The following KLHL13 variants were observed in gnomAD, a reference collection of about 807,000 sequenced individuals.
KLHL13 encodes kelch-like protein 13.
In KLHL13, 10 loss-of-function variants were observed where a neutral mutation model predicts 37.1. The observed-to-expected ratio is 0.27, with a 90% confidence interval of 0.17 to 0.46. The LOEUF (loss-of-function observed/expected upper bound fraction) is 0.46, where lower values mean the gene tolerates loss of function less well. Among genes scored for constraint, KLHL13 ranks in the 20% least tolerant of loss-of-function variants. KLHL13 has a pLI of 1.00. For synonymous variants in KLHL13, 163 were observed against 181.2 expected, an observed-to-expected ratio of 0.90 and a Z score of 0.81; for missense variants, 360 against 509.3, an observed-to-expected ratio of 0.71 and a Z score of 2.82.
intron 1 of KLHL13, among the ~76,000 whole-genome samples, chrX:118,035,349 T>C (rs1371763997): frequency 9.3e-6 from 1 of 106,952 alleles, no homozygotes; most frequent in Non-Finnish European, 1.9e-5. Flanking sequence ...CTCAATAAAA[T>C]ACTGGCAAAC....
intron 2 of KLHL13, among the ~76,000 whole-genome samples, chrX:117,944,579 A>G (rs1933225735): frequency 9.0e-6 from 1 of 111,638 alleles, no homozygotes; most frequent in South Asian, 3.8e-4. Context: ...TTGATCAGGG[A>G]TATGCATGAA....
At chrX:117,959,569 A>G (rs1681200186) in intron 1 of KLHL13, among the ~76,000 whole-genome samples, 1 of 112,057 alleles carries the variant, frequency 8.9e-6, no homozygotes, top group Non-Finnish European at 1.9e-5. Context: ...AAGGAAATAT[A>G]AATTAAGACT....
intron 1 of KLHL13, among the ~76,000 whole-genome samples, chrX:118,106,166 G>C (rs570456221): frequency 5.6e-5 from 6 of 107,872 alleles, no homozygotes; most frequent in Middle Eastern, 9.5e-3. Flanking sequence ...CAAAGTGCTG[G>C]GATTACAGGC....
intron 1 of KLHL13, among the ~76,000 whole-genome samples, chrX:118,075,616 T>C (rs1259640644): frequency 9.0e-6 from 1 of 111,157 alleles, no homozygotes; most frequent in African/African-American, 3.3e-5. Context: ...GTGCAAGACC[T>C]GCCATTACTT....
intron 1 of KLHL13, among the ~76,000 whole-genome samples, chrX:118,099,643 G>A (rs752043751): frequency 2.7e-5 from 3 of 110,108 alleles, no homozygotes; most frequent in Non-Finnish European, 3.8e-5. Context: ...GCAACACCTC[G>A]TCTCTAATAA....
rs1005057536 is a variant in KLHL13, at chrX:117,945,445, C to T, written c.229G>A (p.Val77Met). 11 of 1,208,405 alleles carry T rather than the reference C, an allele frequency of 9.1e-6. No homozygotes were observed. In the African/African-American group the frequency reaches 1.1e-4, roughly 12 times the overall value. ...ACAGCTTAAATTACCTGTAACACCACAGAACTGTGGGTATTGCTGGTAAAG... is the reference window on the plus strand; with the variant it reads ...ACAGCTTAAATTACCTGTAACACCATAGAACTGTGGGTATTGCTGGTAAAG... The change falls in exon 2 of 7, where the codon GTG (valine) becomes ATG (methionine). Residue 77 changes from valine (V) to methionine (M), a missense_variant. Physicochemically the swap from Val to Met is conservative, Grantham distance 21. Coordinates refer to ENST00000262820, the Ensembl canonical transcript of KLHL13.
At chrX:117,908,085 ATT>A (rs1930673647) in intron 5 of KLHL13, among the ~76,000 whole-genome samples, 1 of 104,338 alleles carries the variant, frequency 9.6e-6, no homozygotes, top group African/African-American at 3.5e-5. Context: ...TTATTTATTT[ATT>A]TATTTATTTA....
chrX:118,109,349 G>A (rs1472865268), intron 1 of KLHL13, among the ~76,000 whole-genome samples: 1 of 111,612 alleles, frequency 9.0e-6, no homozygotes, highest in African/African-American at 3.3e-5. Flanking sequence ...AAAATGTTTG[G>A]GTGTTTGACT....
intron 1 of KLHL13, among the ~76,000 whole-genome samples, chrX:117,995,274 T>C (rs777133226): frequency 9.0e-6 from 1 of 111,672 alleles, no homozygotes; most frequent in African/African-American, 3.3e-5. Flanking sequence ...AAGAAGACAA[T>C]TGTAAAAATA....
At chrX:117,948,002 A>G (rs774608652) in intron 1 of KLHL13, 1 of 112,510 alleles carries the variant, frequency 8.9e-6, no homozygotes, top group Non-Finnish European at 1.9e-5. Flanking sequence ...AATACAATAT[A>G]CATACAAGTC....
intron 2 of KLHL13, among the ~76,000 whole-genome samples, chrX:117,942,025 T>C (rs1409215758): frequency 4.5e-5 from 5 of 112,077 alleles, no homozygotes; most frequent in African/African-American, 6.5e-5. Flanking sequence ...GATTCTGGTA[T>C]GTTGTGTCTT....
upstream of KLHL13, among the ~76,000 whole-genome samples, chrX:117,978,487 A>G (rs1470577965): frequency 9.0e-6 from 1 of 111,596 alleles, no homozygotes; most frequent in Non-Finnish European, 1.9e-5. Flanking sequence ...GGCTGGCTGT[A>G]AGGGGAAAGG....
chrX:118,115,283 C>G (rs1410666086), intron 1 of KLHL13, among the ~76,000 whole-genome samples: 2 of 112,692 alleles, frequency 1.8e-5, no homozygotes, highest in African/African-American at 6.4e-5. Context: ...CCACTTTGTG[C>G]TTCTCCATTC....
chrX:118,112,753 C>T lies in KLHL13; in HGVS notation c.-56+3755G>A, dbSNP rs1005457222. On this transcript the variant is annotated intron_variant, in intron 1 of 6. Transcript: ENST00000371882. ...GGAATGTCAATAATCATCTGCATTCCTATTTGGGACCAACTAGACCTCAAA... is the reference window on the plus strand; with the variant it reads ...GGAATGTCAATAATCATCTGCATTCTTATTTGGGACCAACTAGACCTCAAA... 2.7e-5 allele frequency among the ~76,000 whole-genome samples: 3 copies of T among 111,739 alleles called. No individual in the cohort carries two copies. The Admixed American group carries it at 2.9e-4, about 11-fold the overall frequency.
At chrX:118,106,734 C>T (rs1405343751) in intron 1 of KLHL13, among the ~76,000 whole-genome samples, 2 of 111,680 alleles carry the variant, frequency 1.8e-5, no homozygotes, top group Non-Finnish European at 3.8e-5. Context: ...TAAAGGGCAT[C>T]ATGTAAGAAA....
At chrX:117,921,416 G>A (rs1011742341) in intron 2 of KLHL13, among the ~76,000 whole-genome samples, 1 of 111,444 alleles carries the variant, frequency 9.0e-6, no homozygotes, top group Non-Finnish European at 1.9e-5. Flanking sequence ...TAAAAAGATT[G>A]TAACAGGCTA....
At chrX:118,077,316 T>A (rs2054939499) in intron 1 of KLHL13, among the ~76,000 whole-genome samples, 2 of 110,342 alleles carry the variant, frequency 1.8e-5, no homozygotes, top group Non-Finnish European at 3.8e-5. Context: ...CTACAAAAAG[T>A]AATTACTTCT....
chrX:118,074,782 G>A (rs2054911197), intron 1 of KLHL13, among the ~76,000 whole-genome samples: 1 of 111,765 alleles, frequency 8.9e-6, no homozygotes, highest in South Asian at 3.7e-4. Context: ...AGGTTTGTGA[G>A]GCTGCTTCTC....
intron 1 of KLHL13, among the ~76,000 whole-genome samples, chrX:117,959,774 G>A (rs760161249): frequency 9.0e-6 from 1 of 111,658 alleles, no homozygotes; most frequent in South Asian, 3.8e-4. Flanking sequence ...TCATTGATCA[G>A]TGAAAAGCTC....
Sources: allele counts gnomAD v4.1 joint callset (sites outside exome capture counted in the v4.1 genomes callset), GRCh38; gene constraint gnomAD v4.1.1; transcripts MANE v1.5; gene names NCBI Gene and HGNC (gene_info 2026-07-23, HGNC 2026-07-21).